SMARCA2: variants seen among roughly 807,000 people sequenced by gnomAD.
SMARCA2 encodes SWI/SNF-related matrix-associated actin-dependent regulator of chromatin subfamily A member 2.
SMARCA2 carries 61 observed loss-of-function variants against 199.8 expected under a neutral mutation model. The ratio of observed to expected loss-of-function variants is 0.31; its 90% confidence interval spans 0.25 to 0.38. The LOEUF (loss-of-function observed/expected upper bound fraction) is 0.38. Among genes scored for constraint, SMARCA2 ranks in the 10% least tolerant of loss-of-function variants. The pLI, the probability that SMARCA2 is intolerant of heterozygous loss-of-function variation, is 1.00. For missense variants in SMARCA2, 1,344 were observed against 2,012.2 expected (o/e 0.67, Z 6.35); for synonymous variants, 935 against 732.0 (o/e 1.28, Z -4.48).
chr9:2,156,414 C>G (rs1436363149), intron 27 of SMARCA2, among the ~76,000 whole-genome samples: 1 of 69,148 alleles, frequency 1.4e-5, no homozygotes, highest in Non-Finnish European at 2.5e-5. Flanking sequence ...CCATTTTAGA[C>G]TTTTTTTTTT....
rs1240562904 is a variant in SMARCA2 at position 2,170,369 on chromosome 9, G to T, written c.4200-50G>T. The T allele has an allele frequency of 6.2e-7, 1 of 1,612,398 alleles. No homozygotes were observed. Among genetic ancestry groups the T allele is most frequent in the Non-Finnish European group, 8.5e-7 (1 of 1,178,980 alleles). ...GCCTAGGAAGAAGGAGCCGGGCGGG[G>T]ACGAGAACCCAGGTCTTCTGACTCT... On this transcript the variant is annotated intron_variant, in intron 28 of 33. Transcript: ENST00000349721. This position sits in a 1 kb window ranked among gnomAD's most constrained non-coding sequence, Gnocchi z 4.7.
rs117123239 is a variant in SMARCA2, at chr9:2,113,990, G to C, written c.3457-1832G>C. On this transcript the variant is annotated intron_variant, in intron 24 of 33. Coordinates refer to ENST00000349721, the MANE Select transcript of SMARCA2 (RefSeq NM_003070.5). ...TGGTGAGAACAGTTGTTCAATTTTT[G>C]CTTCTGGGCCAGACAGCATAGAACG... Among the ~76,000 whole-genome samples the C allele has an allele frequency of 2.6e-5, 4 of 152,254 alleles. No homozygotes were observed. The East Asian group carries it at 5.8e-4, about 22-fold the overall frequency.
At position 2,116,022 on chromosome 9, in the gene SMARCA2, C is replaced by A; in HGVS notation, c.3657C>A (p.Ala1219=). The A allele has an allele frequency of 6.2e-7, 1 of 1,613,816 alleles. No individual in the cohort carries two copies. Among genetic ancestry groups the A allele is most frequent in the South Asian group, 1.1e-5 (1 of 91,054 alleles). The part of the protein sequence containing the change: ...SSHERRAFLQ[A]ILEHEEENEE... ...ACGAGCGGAGGGCATTCCTGCAGGC[C>A]ATCTTGGAGCATGAGGAGGAAAATG... The change falls in exon 25 of 34, where the codon GCC becomes GCA. Residue 1219 remains alanine, a synonymous_variant. Coordinates refer to ENST00000349721, the MANE Select transcript of SMARCA2 (RefSeq NM_003070.5).
chr9:2,112,018 A>G (rs1179083803), intron 24 of SMARCA2, among the ~76,000 whole-genome samples: 1 of 152,230 alleles, frequency 6.6e-6, no homozygotes, highest in East Asian at 1.9e-4. Context: ...ATGGTTACGT[A>G]TTTTTATAAA....
intron 27 of SMARCA2, among the ~76,000 whole-genome samples, chr9:2,132,297 A>G (rs1823996363): frequency 6.6e-6 from 1 of 152,218 alleles, no homozygotes; most frequent in Non-Finnish European, 1.5e-5. Flanking sequence ...CTTGCAAGCA[A>G]GCTAATGCCT....
intron 2 of SMARCA2, among the ~76,000 whole-genome samples, chr9:2,029,517 A>G (rs1392527082): frequency 1.3e-5 from 2 of 152,238 alleles, no homozygotes; most frequent in Non-Finnish European, 2.9e-5. Context: ...TTGTGGGTTG[A>G]AGGTATTTTT....
At position 2,193,195 on chromosome 9, in the gene SMARCA2, T is replaced by C. The variant is rs1214316256; in HGVS notation, c.*456T>C. On this transcript the variant is annotated 3_prime_UTR_variant, in exon 34 of 34. Coordinates refer to ENST00000349721, the MANE Select transcript of SMARCA2 (RefSeq NM_003070.5). ...GAGGTTTTTATTTGTTCGGTATTGTTTTTTTACACTGTGGTACATATAAGC... is the reference window on the plus strand; with the variant it reads ...GAGGTTTTTATTTGTTCGGTATTGTCTTTTTACACTGTGGTACATATAAGC... 6.3e-6 allele frequency: 1 copy of C among 158,124 alleles called. No individual in the cohort carries two copies. Among genetic ancestry groups the C allele is most frequent in the Non-Finnish European group, 1.4e-5 (1 of 71,926 alleles). 9.8% of individuals were successfully genotyped at this position (158,124 alleles called of 1,614,324 possible). A position where few individuals can be genotyped will look rare whatever the true frequency, so the allele number is the denominator to read the frequency against.
At chr9:2,185,136 T>C (rs1159256329) in intron 31 of SMARCA2, among the ~76,000 whole-genome samples, 1 of 152,200 alleles carries the variant, frequency 6.6e-6, no homozygotes, top group African/African-American at 2.4e-5. Context: ...CAGAACTTTT[T>C]AATCTTGCGA....
intron 2 of SMARCA2, among the ~76,000 whole-genome samples, chr9:2,032,306 T>C (rs1586626979): frequency 6.6e-6 from 1 of 152,238 alleles, no homozygotes; most frequent in African/African-American, 2.4e-5. Flanking sequence ...CTGTCACGTA[T>C]TATGCCTCAA....
intron 21 of SMARCA2, among the ~76,000 whole-genome samples, chr9:2,097,799 T>C (rs1822335781): frequency 6.6e-6 from 1 of 152,184 alleles, no homozygotes; most frequent in Admixed American, 6.5e-5. Context: ...AGCTCTGAAA[T>C]TGAAGATAAT....
chr9:2,085,734 T>G (rs1821774039), intron 17 of SMARCA2: 1 of 152,208 alleles, frequency 6.6e-6, no homozygotes, highest in African/African-American at 2.4e-5. Flanking sequence ...CTGATGCTTC[T>G]AATGAGGAAG....
At chr9:2,080,472 A>C (rs1821518402) in intron 14 of SMARCA2, among the ~76,000 whole-genome samples, 1 of 152,222 alleles carries the variant, frequency 6.6e-6, no homozygotes, top group South Asian at 2.1e-4. Context: ...TTCATCCTAC[A>C]GAGTATCCAA....
chr9:2,171,076 T>A (rs1340893790), intron 29 of SMARCA2, among the ~76,000 whole-genome samples: 1 of 152,196 alleles, frequency 6.6e-6, no homozygotes, highest in Non-Finnish European at 1.5e-5. Context: ...TCTGTGTGCC[T>A]TTGCTTCTGT....
At chr9:2,022,404 G>C (rs963494087) in intron 1 of SMARCA2, among the ~76,000 whole-genome samples, 6 of 152,160 alleles carry the variant, frequency 3.9e-5, no homozygotes, top group African/African-American at 1.4e-4. Flanking sequence ...AACTCAGAGA[G>C]GTTAAATGAA....
chr9:2,080,382 C>A (rs1821512161), intron 14 of SMARCA2, among the ~76,000 whole-genome samples: 2 of 152,174 alleles, frequency 1.3e-5, no homozygotes, highest in South Asian at 4.1e-4. Context: ...CTAGTTTCTA[C>A]TTCTGTTTTG....
At chr9:2,157,938 T>G in intron 27 of SMARCA2, 1 of 398,274 alleles carries the variant, frequency 2.5e-6, no homozygotes, top group Non-Finnish European at 4.4e-6. Context: ...GTGTGGCTGC[T>G]TCCCGGGTCT....
intron 27 of SMARCA2, among the ~76,000 whole-genome samples, chr9:2,133,511 G>A (rs976288707): frequency 1.3e-5 from 2 of 151,842 alleles, no homozygotes; most frequent in African/African-American, 4.8e-5. Flanking sequence ...TTGAACTCCT[G>A]CCCCTAAGTG....
intron 27 of SMARCA2, among the ~76,000 whole-genome samples, chr9:2,125,691 T>C (rs1193173834): frequency 1.3e-5 from 2 of 152,100 alleles, no homozygotes; most frequent in African/African-American, 2.4e-5. Context: ...GGTTTCACCA[T>C]GTTGGTCAGG....
intron 5 of SMARCA2, among the ~76,000 whole-genome samples, chr9:2,052,755 G>T (rs1377501676): frequency 2.6e-5 from 4 of 152,054 alleles, no homozygotes; most frequent in Non-Finnish European, 4.4e-5. Flanking sequence ...GCTATATGAA[G>T]TATTAGATCT....
Sources: allele counts gnomAD v4.1 joint callset (sites outside exome capture counted in the v4.1 genomes callset), GRCh38; gene constraint gnomAD v4.1.1; non-coding constraint Gnocchi (gnomAD v3.1); transcripts MANE v1.5; gene names NCBI Gene and HGNC (gene_info 2026-07-23, HGNC 2026-07-21).